The following ABCA12 variants were observed in gnomAD, a reference collection of about 807,000 sequenced individuals.
ABCA12 encodes glucosylceramide transporter ABCA12.
A neutral mutation model predicts 293.5 loss-of-function variants in ABCA12; 156 were observed. The observed-to-expected ratio is 0.53, with a 90% CI of 0.47 to 0.61. The LOEUF is 0.61. Ranked by LOEUF, ABCA12 falls within the 20% of genes least tolerant of loss-of-function variation. The pLI is 0.00. For missense variants in ABCA12, 2,797 were observed against 3,090.2 expected, an observed-to-expected ratio of 0.91 and a Z score of 2.25; for synonymous variants, 1,063 against 1,108.0, an observed-to-expected ratio of 0.96 and a Z score of 0.81.
At chr2:214,985,746 CTAAG>C (rs1354044502) in intron 28 of ABCA12, among the ~76,000 whole-genome samples, 12 of 152,130 alleles carry the variant, frequency 7.9e-5, no homozygotes, top group African/African-American at 2.9e-4. Flanking sequence ...CGTGATGATA[CTAAG>C]TAAGATATGC....
intron 2 of ABCA12, among the ~76,000 whole-genome samples, chr2:215,097,557 A>T (rs1252607545): frequency 6.6e-6 from 1 of 152,172 alleles, no homozygotes; most frequent in Non-Finnish European, 1.5e-5. Context: ...CTAGAAATCT[A>T]TGTAACAAAA....
intron 24 of ABCA12, 80 bp downstream of exon 24, chr2:214,990,622 A>T: frequency 7.0e-7 from 1 of 1,419,150 alleles, no homozygotes; most frequent in Non-Finnish European, 9.9e-7. Context: ...GTGAACTTTC[A>T]GTCTGAGAAT....
chr2:214,953,596 A>T (rs1698847724), intron 44 of ABCA12, among the ~76,000 whole-genome samples: 1 of 152,162 alleles, frequency 6.6e-6, no homozygotes. Context: ...ACTGTACCTT[A>T]ATCTATTTAA....
intron 23 of ABCA12, among the ~76,000 whole-genome samples, chr2:214,992,704 A>G (rs1699945113): frequency 6.6e-6 from 1 of 151,442 alleles, no homozygotes; most frequent in East Asian, 2.0e-4. Context: ...TCTACTAAAA[A>G]TACAAAAATT....
chr2:214,996,723 T>C (rs753807743), intron 23 of ABCA12, among the ~76,000 whole-genome samples: 15 of 152,184 alleles, frequency 9.9e-5, no homozygotes, highest in African/African-American at 3.6e-4. Context: ...GGGACAACCC[T>C]GAAAGCCTGA....
chr2:215,004,703 G>A (rs547200870), intron 19 of ABCA12: 11 of 187,874 alleles, frequency 5.9e-5, no homozygotes, highest in East Asian at 1.3e-4. Flanking sequence ...TGATGTCTCC[G>A]TGGAATCTGA....
At chr2:215,024,946 C>G (rs990844570) in intron 11 of ABCA12, among the ~76,000 whole-genome samples, 4 of 151,974 alleles carry the variant, frequency 2.6e-5, no homozygotes, top group African/African-American at 9.7e-5. Flanking sequence ...TTTTGGTTGC[C>G]TTTTCCCACA....
chr2:215,020,666 G>A (rs1425603748), intron 11 of ABCA12: 2 of 149,358 alleles, frequency 1.3e-5, no homozygotes, highest in Non-Finnish European at 3.0e-5. Context: ...GGTTAAGATA[G>A]TAAATGTTAT....
At chr2:214,967,576 A>G (rs1699292579) in intron 38 of ABCA12, among the ~76,000 whole-genome samples, 1 of 152,206 alleles carries the variant, frequency 6.6e-6, no homozygotes, top group South Asian at 2.1e-4. Context: ...ATTTTATATT[A>G]GAAATTCACA....
intron 2 of ABCA12, among the ~76,000 whole-genome samples, chr2:215,106,961 T>G (rs551543167): frequency 6.6e-6 from 1 of 151,876 alleles, no homozygotes; most frequent in East Asian, 1.9e-4. Context: ...GGCCCAGGAG[T>G]GTTAGAAAGT....
chr2:215,055,778 G>C (rs769603358), intron 3 of ABCA12, among the ~76,000 whole-genome samples: 9 of 151,904 alleles, frequency 5.9e-5, no homozygotes, highest in Non-Finnish European at 1.2e-4. Flanking sequence ...TGTACTTTTT[G>C]CTCCAAAAGT....
intron 1 of ABCA12, among the ~76,000 whole-genome samples, chr2:215,112,478 T>G (rs1395025212): frequency 9.6e-6 from 1 of 103,746 alleles, no homozygotes; most frequent in Non-Finnish European, 1.7e-5. Context: ...TTTCTTTGGG[T>G]TTTTTTTGTT....
intron 41 of ABCA12, among the ~76,000 whole-genome samples, chr2:214,957,574 G>C (rs1698988601): frequency 6.6e-6 from 1 of 152,176 alleles, no homozygotes; most frequent in Non-Finnish European, 1.5e-5. Flanking sequence ...TTAACAAAAT[G>C]GATATGCAGT....
chr2:215,105,120 C>A (rs892967354), intron 2 of ABCA12, among the ~76,000 whole-genome samples: 1 of 152,104 alleles, frequency 6.6e-6, no homozygotes, highest in Non-Finnish European at 1.5e-5. Context: ...CCATGCTATA[C>A]CTTGTGCGTA....
At chr2:214,950,380 ATATCTGTGTGTGTG>A (rs1320481332) in intron 45 of ABCA12, among the ~76,000 whole-genome samples, 3 of 135,144 alleles carry the variant, frequency 2.2e-5, no homozygotes, top group African/African-American at 8.9e-5. Context: ...GTGTATATAT[ATATCTGTGTGTGTG>A]TGTGTGTGTG....
At chr2:215,087,423 TGA>T (rs1362244595) in intron 2 of ABCA12, among the ~76,000 whole-genome samples, 1 of 152,094 alleles carries the variant, frequency 6.6e-6, no homozygotes, top group Non-Finnish European at 1.5e-5. Flanking sequence ...GTCAACGGAC[TGA>T]GTCTTAAGAG....
chr2:215,092,574 A>G (rs557379962), intron 2 of ABCA12, among the ~76,000 whole-genome samples: 1 of 151,898 alleles, frequency 6.6e-6, no homozygotes, highest in East Asian at 1.9e-4. Context: ...CAATGCTAAT[A>G]CCCCATCCCA....
intron 2 of ABCA12, among the ~76,000 whole-genome samples, chr2:215,067,193 C>A (rs1701655482): frequency 6.6e-6 from 1 of 152,102 alleles, no homozygotes; most frequent in Non-Finnish European, 1.5e-5. Context: ...GCATTCTATC[C>A]TTGAAGGTGT....
intron 18 of ABCA12, among the ~76,000 whole-genome samples, chr2:215,008,403 AC>A (rs1700300232): frequency 6.6e-6 from 1 of 152,136 alleles, no homozygotes; most frequent in African/African-American, 2.4e-5. Flanking sequence ...AAAAACACAC[AC>A]ACACACACAC....
Sources: gnomAD v4.1 joint callset for allele counts (sites outside exome capture counted in the v4.1 genomes callset) on GRCh38, gnomAD v4.1.1 for gene constraint, MANE v1.5 for transcripts, NCBI Gene and HGNC (gene_info 2026-07-23, HGNC 2026-07-21) for gene names.